Variants in PAX2 observed in about 807,000 individuals in gnomAD.
PAX2 encodes the protein paired box protein Pax-2.
A neutral mutation model predicts 41.7 loss-of-function variants in PAX2; 9 were observed. The ratio of observed to expected loss-of-function variants is 0.22; its 90% CI spans 0.13 to 0.38. The LOEUF is 0.38. PAX2 is among the 10% of genes least tolerant of loss of function. The pLI, the probability that PAX2 is intolerant of heterozygous loss-of-function variation, is 1.00. For synonymous variants in PAX2, 221 were observed against 212.7 expected (o/e 1.04, Z -0.34); for missense variants, 418 against 531.6 (o/e 0.79, Z 2.10).
chr10:100,822,451 A>G lies in PAX2; in HGVS notation c.920-2197A>G, dbSNP rs543757256. ...CATCAGGAATTGGCTGTTAAGTGCAATAGATTGATGGACGATTAATCAACA... is the reference window on the plus strand; with the variant it reads ...CATCAGGAATTGGCTGTTAAGTGCAGTAGATTGATGGACGATTAATCAACA... On this transcript the variant is annotated intron_variant, in intron 7 of 9. Transcript: ENST00000355243. 2.6e-5 allele frequency among the ~76,000 whole-genome samples: 4 copies of G among 152,340 alleles called. No homozygotes were observed. The East Asian group carries it at 5.8e-4, about 22-fold the overall frequency.
intron 7 of PAX2, among the ~76,000 whole-genome samples, chr10:100,813,711 A>C (rs1374634176): frequency 6.6e-6 from 1 of 152,200 alleles, no homozygotes; most frequent in Non-Finnish European, 1.5e-5. Context: ...TCAGAGTCCA[A>C]ATTTATACCA....
At chr10:100,801,290 A>T (rs1037497104) in intron 5 of PAX2, among the ~76,000 whole-genome samples, 35 of 152,266 alleles carry the variant, frequency 2.3e-4, no homozygotes, top group African/African-American at 8.4e-4. Context: ...AGTGGTTGGG[A>T]AGCCCATATA....
upstream of PAX2, among the ~76,000 whole-genome samples, chr10:100,744,494 G>T (rs1196500197): frequency 6.6e-6 from 1 of 152,246 alleles, no homozygotes; most frequent in Non-Finnish European, 1.5e-5. Flanking sequence ...AAGGGAGCTA[G>T]TGCCAGAGAG....
intron 3 of PAX2, among the ~76,000 whole-genome samples, chr10:100,772,200 A>G (rs897463090): frequency 6.6e-6 from 1 of 152,116 alleles, no homozygotes; most frequent in Non-Finnish European, 1.5e-5. Flanking sequence ...GCTCACTGCA[A>G]CCTCCACCGA....
intron 1 of PAX2, among the ~76,000 whole-genome samples, chr10:100,737,649 A>C (rs1589796243): frequency 6.6e-6 from 1 of 152,156 alleles, no homozygotes; most frequent in African/African-American, 2.4e-5. Flanking sequence ...CCGCCCTCCC[A>C]GCCGCCTTCT....
At chr10:100,796,143 C>T (rs185101896) in intron 5 of PAX2, among the ~76,000 whole-genome samples, 66 of 152,300 alleles carry the variant, frequency 4.3e-4, no homozygotes, top group African/African-American at 1.6e-3. Flanking sequence ...AAGTGCAATA[C>T]ATGCTCATTG....
chr10:100,788,547 C>T (rs1462938766), intron 5 of PAX2, among the ~76,000 whole-genome samples: 7 of 152,176 alleles, frequency 4.6e-5, no homozygotes, highest in Admixed American at 4.6e-4. Context: ...GGTGGGCTTG[C>T]TCTGAACTGA....
chr10:100,735,797 C>A, intron 1 of PAX2: 2 of 977,332 alleles, frequency 2.0e-6, no homozygotes, highest in Non-Finnish European at 2.5e-6. Flanking sequence ...TGGGGGCGGC[C>A]ATGGCCGGGG....
intron 7 of PAX2, among the ~76,000 whole-genome samples, chr10:100,817,290 C>T (rs1053975579): frequency 3.9e-5 from 6 of 152,186 alleles, no homozygotes; most frequent in African/African-American, 9.7e-5. Flanking sequence ...TTTCCTCCTC[C>T]GTAAAACAAG....
Position 100,824,520 on chromosome 10 carries a change from C to T in PAX2, c.920-128C>T. ...GCGCATTCAGGTGCACAGTGGCACACATACCCCTGCACGTCTGCACAGAGC... is the reference window on the plus strand; with the variant it reads ...GCGCATTCAGGTGCACAGTGGCACATATACCCCTGCACGTCTGCACAGAGC... On this transcript the variant is annotated intron_variant, in intron 7 of 9. Coordinates refer to ENST00000355243, the MANE Select transcript of PAX2 (RefSeq NM_000278.5). This position sits in a 1 kb window ranked among gnomAD's most constrained non-coding sequence, Gnocchi z 6.6. The T allele has an allele frequency of 6.5e-6, 5 of 767,670 alleles. No homozygotes were observed. The highest frequency in any genetic ancestry group is 1.2e-5 in the Non-Finnish European group (5 of 423,906). 47.6% of individuals were successfully genotyped at this position (767,670 alleles called of 1,614,324 possible).
chr10:100,739,014 G>GACACACACACACACACAC (rs61617727), intron 1 of PAX2, among the ~76,000 whole-genome samples: 27 of 138,350 alleles, frequency 2.0e-4, no homozygotes, highest in South Asian at 7.7e-4. Context: ...CGCGCACGCG[G>GACACACACACACACACAC]ACACACACAC....
chr10:100,749,663 G>A (rs1212570458), intron 1 of PAX2, 83 bp from the exon 2 acceptor site: 2 of 1,543,602 alleles, frequency 1.3e-6, no homozygotes, highest in East Asian at 2.3e-5. Flanking sequence ...TGCTTCCTTC[G>A]CCCGTCCCGG....
chr10:100,750,949 G>A lies in PAX2; in HGVS notation c.410+58G>A. On this transcript the variant is annotated intron_variant, in intron 3 of 9. Transcript: ENST00000355243. The surrounding 1 kb of genome is among the most constrained non-coding windows in gnomAD (Gnocchi z 4.1). ...CTCCAGCTCCTGGCTCCTGCCTGCA[G>A]GGGTGTCCCACGCCCAGTCTCTGCT... The A allele has an allele frequency of 4.5e-6, 6 of 1,325,922 alleles. No individual in the cohort carries two copies. The highest frequency in any genetic ancestry group is 2.3e-5 in the East Asian group (1 of 43,578). The allele number at this position is 1,325,922 out of a possible 1,614,324, so 82.1% of individuals were successfully genotyped here. A position where few individuals can be genotyped will look rare whatever the true frequency, so the allele number is the denominator to read the frequency against.
chr10:100,826,985 C>G lies in PAX2; in HGVS notation c.1022-24C>G. On this transcript the variant is annotated intron_variant, in intron 8 of 9. Coordinates refer to ENST00000355243, the MANE Select transcript of PAX2 (RefSeq NM_000278.5). The surrounding 1 kb of genome is among the most constrained non-coding windows in gnomAD (Gnocchi z 5.5). ...CCGCCCTGGCTTGCAGGCGTCTGATCCCCACTCCCCGACCCTCCCGCAGGG... is the reference window on the plus strand; with the variant it reads ...CCGCCCTGGCTTGCAGGCGTCTGATGCCCACTCCCCGACCCTCCCGCAGGG... 2 of 1,565,346 alleles carry G rather than the reference C, an allele frequency of 1.3e-6. No individual in the cohort carries two copies. The highest frequency in any genetic ancestry group is 8.8e-7 in the Non-Finnish European group (1 of 1,136,132).
chr10:100,761,451 T>C (rs1165659197), intron 3 of PAX2, among the ~76,000 whole-genome samples: 1 of 152,088 alleles, frequency 6.6e-6, no homozygotes, highest in Non-Finnish European at 1.5e-5. Flanking sequence ...CCATGCAGAC[T>C]CCCTTAGGAG....
chr10:100,760,158 C>G (rs1845786033), intron 3 of PAX2, among the ~76,000 whole-genome samples: 1 of 152,138 alleles, frequency 6.6e-6, no homozygotes, highest in South Asian at 2.1e-4. Context: ...CTGGTGGTAT[C>G]TAGCTAGGCC....
At chr10:100,790,259 G>GT (rs1847054372) in intron 5 of PAX2, among the ~76,000 whole-genome samples, 1 of 152,204 alleles carries the variant, frequency 6.6e-6, no homozygotes, top group African/African-American at 2.4e-5. Context: ...AGAGGAGACT[G>GT]TATGTGTCCA....
intron 3 of PAX2, among the ~76,000 whole-genome samples, chr10:100,777,389 G>A (rs147597117): frequency 7.1e-4 from 91 of 128,534 alleles, no homozygotes; most frequent in African/African-American, 2.0e-3. Flanking sequence ...ATGAGCCACC[G>A]CATCTGGCCT....
intron 5 of PAX2, among the ~76,000 whole-genome samples, chr10:100,781,929 C>T (rs970359073): frequency 2.6e-5 from 4 of 152,104 alleles, no homozygotes; most frequent in Non-Finnish European, 5.9e-5. Flanking sequence ...TGAAATGCCT[C>T]AAGGTGCAGC....
Sources: gnomAD v4.1 joint callset for allele counts (sites outside exome capture counted in the v4.1 genomes callset) on GRCh38, gnomAD v4.1.1 for gene constraint, Gnocchi (gnomAD v3.1) non-coding constraint, MANE v1.5 for transcripts, NCBI Gene and HGNC (gene_info 2026-07-23, HGNC 2026-07-21) for gene names.